NUS1: variants seen among roughly 807,000 people sequenced by gnomAD.
The protein encoded by NUS1 is NUS1 dehydrodolichyl diphosphate synthase subunit, also known as dehydrodolichyl diphosphate synthase complex subunit NUS1.
For missense variants in NUS1, 292 were observed against 382.9 expected (o/e 0.76, Z 1.98); for synonymous variants, 135 against 155.2 (o/e 0.87, Z 0.97).
At chr6:117,678,713 C>G (rs900299599) in intron 1 of NUS1, among the ~76,000 whole-genome samples, 4 of 135,962 alleles carry the variant, frequency 2.9e-5, no homozygotes, top group Admixed American at 8.0e-5. Flanking sequence ...CGGAGTCTCG[C>G]TCTGTCACCC....
rs1773544620 is a variant in NUS1 at position 117,709,340 on chromosome 6, ACCTGTT to A, written c.*2326_*2331del. 2.8e-5 allele frequency: 4 copies of A among 145,114 alleles called. 1 individual carries two copies. The Admixed American group carries it at 2.8e-4, about 10-fold the overall frequency. The allele number at this position is 145,114 out of a possible 1,614,324, so 9.0% of individuals were successfully genotyped here. On this transcript the variant is annotated 3_prime_UTR_variant, in exon 5 of 5. Coordinates refer to ENST00000368494, the MANE Select transcript of NUS1 (RefSeq NM_138459.5). ...CACAATGGAAAAATTACCGAATTAAACCTGTTTTATGGATGGCAGCTTGGAGCATAG... is the reference window on the plus strand; with the variant it reads ...CACAATGGAAAAATTACCGAATTAAATTATGGATGGCAGCTTGGAGCATAG...
At position 117,710,527 on chromosome 6, in the gene NUS1, C is replaced by T. The variant is rs1404648908; in HGVS notation, c.*3512C>T. 2 of 151,650 alleles carry T rather than the reference C, an allele frequency of 1.3e-5. No homozygotes were observed. Among genetic ancestry groups the T allele is most frequent in the Non-Finnish European group, 2.9e-5 (2 of 67,854 alleles). 9.4% of individuals were successfully genotyped at this position (151,650 alleles called of 1,614,324 possible). A position where few individuals can be genotyped will look rare whatever the true frequency, so the allele number is the denominator to read the frequency against. ...ATTCAGAGAAACAAAGGAATGTAAC[C>T]TTATTGATTACATTTTTGGTGATCA... On this transcript the variant is annotated 3_prime_UTR_variant, in exon 5 of 5. Transcript: ENST00000368494.
chr6:117,686,033 G>T (rs902508353), intron 1 of NUS1, among the ~76,000 whole-genome samples: 1 of 151,324 alleles, frequency 6.6e-6, no homozygotes, highest in Non-Finnish European at 1.5e-5. Flanking sequence ...AGGCTGAGGC[G>T]GGCGGATCAT....
intron 1 of NUS1, among the ~76,000 whole-genome samples, chr6:117,686,766 A>G (rs80089749): frequency 0.034 from 5,247 of 152,206 alleles, 322 homozygotes; most frequent in East Asian, 0.27. Flanking sequence ...ATCTGTACAT[A>G]TACTATGATA....
chr6:117,677,935 C>G (rs183924051), intron 1 of NUS1, among the ~76,000 whole-genome samples: 15 of 152,308 alleles, frequency 9.8e-5, no homozygotes, highest in African/African-American at 3.4e-4. Flanking sequence ...CCAGGTGATT[C>G]TTTTAAAGCA....
intron 1 of NUS1, among the ~76,000 whole-genome samples, chr6:117,678,527 A>T (rs999629153): frequency 1.3e-5 from 2 of 152,180 alleles, no homozygotes; most frequent in Non-Finnish European, 2.9e-5. Flanking sequence ...GTTGAAAGTC[A>T]GTGGTGTAGG....
intron 1 of NUS1, among the ~76,000 whole-genome samples, chr6:117,680,179 T>G (rs1773039536): frequency 6.6e-6 from 1 of 152,242 alleles, no homozygotes; most frequent in Non-Finnish European, 1.5e-5. Flanking sequence ...TTCTTTCATC[T>G]TTCAAAAATT....
chr6:117,680,258 C>T (rs1323728609), intron 1 of NUS1, among the ~76,000 whole-genome samples: 1 of 152,116 alleles, frequency 6.6e-6, no homozygotes, highest in African/African-American at 2.4e-5. Flanking sequence ...TTTGGCTGTT[C>T]TGTCTATATG....
intron 4 of NUS1, among the ~76,000 whole-genome samples, chr6:117,705,858 CTT>C (rs999807394): frequency 5.9e-5 from 9 of 152,214 alleles, no homozygotes; most frequent in South Asian, 2.1e-4. Flanking sequence ...GTGAATAAGA[CTT>C]AAGGTTGATA....
intron 1 of NUS1, among the ~76,000 whole-genome samples, chr6:117,692,702 T>C (rs1360888274): frequency 6.6e-6 from 1 of 152,112 alleles, no homozygotes; most frequent in Non-Finnish European, 1.5e-5. Flanking sequence ...GTTTATAATT[T>C]CTTGGAGAAG....
chr6:117,677,629 C>CA (rs1179610821), intron 1 of NUS1, among the ~76,000 whole-genome samples: 1 of 152,238 alleles, frequency 6.6e-6, no homozygotes, highest in Non-Finnish European at 1.5e-5. Context: ...GTAACGCTTA[C>CA]AGGCTGATCT....
chr6:117,687,679 A>C (rs891139388), intron 1 of NUS1, among the ~76,000 whole-genome samples: 7 of 152,184 alleles, frequency 4.6e-5, no homozygotes, highest in Non-Finnish European at 8.8e-5. Context: ...GGCAATTCTA[A>C]TTTGTGGGGA....
chr6:117,700,962 G>C (rs1384730435), intron 3 of NUS1, among the ~76,000 whole-genome samples: 1 of 151,766 alleles, frequency 6.6e-6, no homozygotes, highest in South Asian at 2.1e-4. Flanking sequence ...GAAAGATAAT[G>C]GGGGAGTGAG....
At chr6:117,678,787 C>T (rs1399748381) in intron 1 of NUS1, among the ~76,000 whole-genome samples, 2 of 148,252 alleles carry the variant, frequency 1.3e-5, no homozygotes, top group East Asian at 2.1e-4. Flanking sequence ...TTCAAGTTCT[C>T]CTGTCTCAGC....
intron 3 of NUS1, among the ~76,000 whole-genome samples, chr6:117,699,160 A>G (rs559067254): frequency 1.9e-4 from 29 of 151,486 alleles, no homozygotes; most frequent in African/African-American, 7.1e-4. Context: ...GAGCAATTAG[A>G]CCAGAAAAAG....
At chr6:117,699,394 T>C (rs925324033) in intron 3 of NUS1, among the ~76,000 whole-genome samples, 2 of 152,132 alleles carry the variant, frequency 1.3e-5, no homozygotes, top group African/African-American at 4.8e-5. Flanking sequence ...ACATTTATAA[T>C]AGATACAAAT....
At chr6:117,702,989 T>G (rs1206597029) in intron 3 of NUS1, among the ~76,000 whole-genome samples, 2 of 152,180 alleles carry the variant, frequency 1.3e-5, no homozygotes, top group Non-Finnish European at 2.9e-5. Context: ...AACCAGTTCA[T>G]GAAAGAGATA....
intron 1 of NUS1, among the ~76,000 whole-genome samples, chr6:117,692,253 A>G (rs1028899561): frequency 6.6e-6 from 1 of 152,146 alleles, no homozygotes; most frequent in Non-Finnish European, 1.5e-5. Flanking sequence ...CTTTAAAGTC[A>G]TGCCTGACTG....
At position 117,708,029 on chromosome 6, in the gene NUS1, T is replaced by C. The variant is rs1190954698; in HGVS notation, c.*1014T>C. 3 of 152,076 alleles carry C rather than the reference T, an allele frequency of 2.0e-5. No homozygotes were observed. Among genetic ancestry groups the C allele is most frequent in the Non-Finnish European group, 4.4e-5 (3 of 68,012 alleles). The allele number at this position is 152,076 out of a possible 1,614,324, so 9.4% of individuals were successfully genotyped here. A position where few individuals can be genotyped will look rare whatever the true frequency, so the allele number is the denominator to read the frequency against. ...TTGAGGGAAGTTACCAAGGCAGCTT[T>C]TTTCCTCAAAAGTAACCTGTTCCTC... On this transcript the variant is annotated 3_prime_UTR_variant, in exon 5 of 5. Transcript: ENST00000368494.
Sources: allele counts gnomAD v4.1 joint callset (sites outside exome capture counted in the v4.1 genomes callset), GRCh38; gene constraint gnomAD v4.1.1; transcripts MANE v1.5; gene names NCBI Gene and HGNC (gene_info 2026-07-23, HGNC 2026-07-21).